Variants in ATP8B4 observed in about 807,000 individuals in gnomAD.
The protein encoded by ATP8B4 is ATPase phospholipid transporting 8B4 (putative), also known as probable phospholipid-transporting ATPase IM.
Under a neutral mutation model 145.6 loss-of-function variants are expected in ATP8B4, and 133 were observed. That is an observed-to-expected ratio of 0.91 (90% CI 0.79 to 1.05). The LOEUF (loss-of-function observed/expected upper bound fraction) is 1.05, where lower values mean the gene tolerates loss of function less well. Among genes scored for constraint, ATP8B4 ranks in the 50% least tolerant of loss-of-function variants. The pLI is 0.00. For missense variants in ATP8B4, 1,458 were observed against 1,425.2 expected, an observed-to-expected ratio of 1.02 and a Z score of -0.37; for synonymous variants, 507 against 492.9, an observed-to-expected ratio of 1.03 and a Z score of -0.38.
At chr15:49,868,880 G>T (rs1325323646) in intron 25 of ATP8B4, among the ~76,000 whole-genome samples, 1 of 152,102 alleles carries the variant, frequency 6.6e-6, no homozygotes, top group East Asian at 1.9e-4. Context: ...AGTAAAATAA[G>T]AATATAATAG....
chr15:50,034,516 A>C (rs2050692233), intron 6 of ATP8B4, among the ~76,000 whole-genome samples: 1 of 152,164 alleles, frequency 6.6e-6, no homozygotes, highest in South Asian at 2.1e-4. Flanking sequence ...GGCATGAGCC[A>C]CCACACCCGG....
At chr15:50,055,898 C>T (rs1298776558) in intron 3 of ATP8B4, among the ~76,000 whole-genome samples, 1 of 152,292 alleles carries the variant, frequency 6.6e-6, no homozygotes, top group Non-Finnish European at 1.5e-5. Flanking sequence ...GATTAGACAT[C>T]TGGTACCTCA....
At chr15:49,887,146 A>G (rs1385750123) in intron 23 of ATP8B4, among the ~76,000 whole-genome samples, 1 of 152,036 alleles carries the variant, frequency 6.6e-6, no homozygotes, top group Non-Finnish European at 1.5e-5. Flanking sequence ...TCTGTTGAAG[A>G]ATCCTTGCAA....
chr15:49,957,660 G>T (rs532906101), intron 14 of ATP8B4, among the ~76,000 whole-genome samples: 13 of 152,006 alleles, frequency 8.6e-5, no homozygotes, highest in Admixed American at 7.2e-4. Flanking sequence ...TTTAAATCAG[G>T]CCAAGAAGAA....
At chr15:50,142,829 G>A (rs2044229935) in intron 1 of ATP8B4, among the ~76,000 whole-genome samples, 1 of 152,168 alleles carries the variant, frequency 6.6e-6, no homozygotes, top group Non-Finnish European at 1.5e-5. Flanking sequence ...GGGAGGGAGA[G>A]GCAAAGCCAA....
chr15:50,106,610 C>T lies in ATP8B4; in HGVS notation c.28+329G>A, dbSNP rs538685214. ...CTTATGCTGAGCAAAAGCAGCAATA[C>T]GAAAGAACACATACTGTATGATTTC... On this transcript the variant is annotated intron_variant, in intron 2 of 27. Coordinates refer to ENST00000284509, the MANE Select transcript of ATP8B4 (RefSeq NM_024837.4). Among the ~76,000 whole-genome samples the T allele has an allele frequency of 7.9e-5, 12 of 152,126 alleles. No homozygotes were observed. In the South Asian group the frequency reaches 1.2e-3, roughly 16 times the overall value.
At chr15:50,044,733 A>G (rs1320596466) in intron 4 of ATP8B4, 41 bp from the exon 5 acceptor site, 6 of 1,390,740 alleles carry the variant, frequency 4.3e-6, no homozygotes, top group African/African-American at 1.4e-5. Flanking sequence ...TTTTAAAGTT[A>G]GAAAATATAT....
At chr15:50,133,842 C>A (rs1185604592) in intron 1 of ATP8B4, among the ~76,000 whole-genome samples, 1 of 151,996 alleles carries the variant, frequency 6.6e-6, no homozygotes, top group African/African-American at 2.4e-5. Context: ...TCTCCACACA[C>A]ACAAAATAAT....
intron 1 of ATP8B4, among the ~76,000 whole-genome samples, chr15:50,172,472 C>G (rs565019719): frequency 6.6e-6 from 1 of 152,228 alleles, no homozygotes; most frequent in African/African-American, 2.4e-5. Flanking sequence ...GGAGTGCAGC[C>G]GGCGTGATCT....
chr15:50,170,688 T>C (rs1192494963), intron 1 of ATP8B4, among the ~76,000 whole-genome samples: 1 of 151,742 alleles, frequency 6.6e-6, no homozygotes, highest in East Asian at 1.9e-4. Flanking sequence ...GCACAATAAA[T>C]GCAATGGTAT....
At chr15:50,122,206 T>C (rs1318566926), upstream of ATP8B4, among the ~76,000 whole-genome samples, 1 of 152,166 alleles carries the variant, frequency 6.6e-6, no homozygotes, top group Non-Finnish European at 1.5e-5. Flanking sequence ...GCCTGGCCTA[T>C]AGTTTGAAAT....
At chr15:50,054,512 G>A (rs1323842666) in intron 3 of ATP8B4, among the ~76,000 whole-genome samples, 5 of 152,062 alleles carry the variant, frequency 3.3e-5, no homozygotes, top group Admixed American at 6.5e-5. Context: ...GGCTGGGCAC[G>A]GTGGCTCACG....
chr15:50,036,993 C>T (rs1471029094), intron 6 of ATP8B4, among the ~76,000 whole-genome samples: 2 of 152,166 alleles, frequency 1.3e-5, no homozygotes, highest in South Asian at 2.1e-4. Flanking sequence ...GTAACACTAA[C>T]ACTATTTCAA....
chr15:49,937,690 T>TGAGTAC (rs1474750595), intron 14 of ATP8B4, among the ~76,000 whole-genome samples: 1 of 152,150 alleles, frequency 6.6e-6, no homozygotes, highest in East Asian at 1.9e-4. Flanking sequence ...ACACAAAATA[T>TGAGTAC]GAGTACTTTA....
intron 3 of ATP8B4, among the ~76,000 whole-genome samples, chr15:50,073,901 A>G (rs751858006): frequency 6.7e-6 from 1 of 148,488 alleles, no homozygotes; most frequent in African/African-American, 2.4e-5. Context: ...AAGAGATTTT[A>G]TCATCTTCCC....
At chr15:50,176,057 C>T (rs1648346) in intron 1 of ATP8B4, among the ~76,000 whole-genome samples, 127,623 of 151,154 alleles carry the variant, frequency 0.84, 54,659 homozygotes, top group East Asian at 0.95. Flanking sequence ...ATATATATAC[C>T]GCAGAGTATA....
intron 25 of ATP8B4, among the ~76,000 whole-genome samples, chr15:49,875,877 T>C (rs896963271): frequency 1.3e-5 from 2 of 152,192 alleles, no homozygotes; most frequent in African/African-American, 4.8e-5. Context: ...TAGAAATGTA[T>C]TGCCAAGCAA....
At chr15:50,026,770 C>T (rs987254318) in intron 6 of ATP8B4, among the ~76,000 whole-genome samples, 13 of 152,268 alleles carry the variant, frequency 8.5e-5, no homozygotes, top group South Asian at 6.2e-4. Flanking sequence ...CAATGCCTTC[C>T]TGCCTTGTGG....
intron 9 of ATP8B4, among the ~76,000 whole-genome samples, chr15:49,989,065 C>T (rs1360534718): frequency 6.6e-6 from 1 of 152,130 alleles, no homozygotes; most frequent in East Asian, 1.9e-4. Flanking sequence ...TTTCCCACTG[C>T]TAAATAGAGA....
Sources: allele counts gnomAD v4.1 joint callset (sites outside exome capture counted in the v4.1 genomes callset), GRCh38; gene constraint gnomAD v4.1.1; transcripts MANE v1.5; gene names NCBI Gene and HGNC (gene_info 2026-07-23, HGNC 2026-07-21).